ITPRID1: variants seen among roughly 807,000 people sequenced by gnomAD.
ITPRID1 encodes protein ITPRID1.
Under a neutral mutation model 95.4 loss-of-function variants are expected in ITPRID1, and 96 were observed. That is an observed-to-expected ratio of 1.01 (90% CI 0.85 to 1.19). ITPRID1 has a LOEUF of 1.19. ITPRID1 is among the 50% of genes most tolerant of loss of function. ITPRID1 has a pLI of 0.00. For missense variants in ITPRID1, 1,339 were observed against 1,252.9 expected (o/e 1.07, Z -1.04); for synonymous variants, 510 against 453.6 (o/e 1.12, Z -1.58).
At chr7:31,590,428 T>A (rs1422939510) in intron 10 of ITPRID1, among the ~76,000 whole-genome samples, 1 of 152,146 alleles carries the variant, frequency 6.6e-6, no homozygotes, top group African/African-American at 2.4e-5. Context: ...TACATAGATG[T>A]AAGAGGTGGT....
At chr7:31,556,563 T>G (rs1049751216) in intron 5 of ITPRID1, among the ~76,000 whole-genome samples, 1 of 152,010 alleles carries the variant, frequency 6.6e-6, no homozygotes, top group African/African-American at 2.4e-5. Context: ...ATGAGAGAGC[T>G]GCACTGAGCT....
At chr7:31,623,980 GACAA>G (rs1191164619) in intron 10 of ITPRID1, among the ~76,000 whole-genome samples, 3 of 149,014 alleles carry the variant, frequency 2.0e-5, no homozygotes, top group African/African-American at 7.4e-5. Flanking sequence ...ACCAATAACA[GACAA>G]ACAGAGAGCC....
chr7:31,562,131 A>G lies in ITPRID1; in HGVS notation c.256+7230A>G, dbSNP rs76915985. Among the ~76,000 whole-genome samples the G allele has an allele frequency of 9.0e-3, 1,364 of 151,724 alleles. 21 individuals are homozygous for G. Among genetic ancestry groups the G allele is most frequent in the African/African-American group, 0.029 (1,187 of 41,376 alleles). On this transcript the variant is annotated intron_variant, in intron 5 of 14. Coordinates refer to ENST00000615280, the MANE Select transcript of ITPRID1 (RefSeq NM_001257967.3). ...TCCCCCACCAGAAAACAAATTAAACATCAGTGCTATCTGGCTGAGATATGC... is the reference window on the plus strand; with the variant it reads ...TCCCCCACCAGAAAACAAATTAAACGTCAGTGCTATCTGGCTGAGATATGC...
At chr7:31,657,581 C>T (rs1791362074), downstream of ITPRID1, among the ~76,000 whole-genome samples, 1 of 152,136 alleles carries the variant, frequency 6.6e-6, no homozygotes, top group Admixed American at 6.6e-5. Context: ...TACCACTTGC[C>T]CACTGCCAAG....
At chr7:31,623,585 G>T (rs935476599) in intron 10 of ITPRID1, among the ~76,000 whole-genome samples, 1 of 150,478 alleles carries the variant, frequency 6.6e-6, no homozygotes, top group African/African-American at 2.4e-5. Flanking sequence ...CAATAAATTA[G>T]GTATTGATGG....
intron 10 of ITPRID1, among the ~76,000 whole-genome samples, chr7:31,603,037 G>A (rs1037382267): frequency 6.6e-6 from 1 of 151,896 alleles, no homozygotes; most frequent in Non-Finnish European, 1.5e-5. Flanking sequence ...CCATGTCTTG[G>A]GGGTAGCCAC....
intron 2 of ITPRID1, among the ~76,000 whole-genome samples, chr7:31,552,642 A>G (rs929047867): frequency 6.6e-6 from 1 of 152,120 alleles, no homozygotes; most frequent in Admixed American, 6.6e-5. Context: ...AAATAATTTT[A>G]TAGATATAAC....
chr7:31,546,054 C>T (rs1344561280), intron 1 of ITPRID1, among the ~76,000 whole-genome samples: 2 of 152,014 alleles, frequency 1.3e-5, no homozygotes, highest in Non-Finnish European at 2.9e-5. Flanking sequence ...AAACATTAAA[C>T]AGTCTATGTG....
intron 9 of ITPRID1, 21 bp downstream of exon 9, chr7:31,578,455 C>A (rs758877028): frequency 2.0e-6 from 3 of 1,535,198 alleles, no homozygotes; most frequent in Non-Finnish European, 2.6e-6. Context: ...CACCAACGTA[C>A]CAGCCTCCTA....
At chr7:31,616,742 T>TACAGGTGAA (rs1385135901) in intron 10 of ITPRID1, among the ~76,000 whole-genome samples, 1 of 152,178 alleles carries the variant, frequency 6.6e-6, no homozygotes, top group Non-Finnish European at 1.5e-5. Context: ...AAGGATTATG[T>TACAGGTGAA]ACAGGTGAAT....
intron 1 of ITPRID1, among the ~76,000 whole-genome samples, chr7:31,535,406 A>G (rs908608533): frequency 6.6e-6 from 1 of 152,038 alleles, no homozygotes; most frequent in Non-Finnish European, 1.5e-5. Flanking sequence ...ATTTTTATCT[A>G]TCAATTAGAT....
rs1315235509 is a variant in ITPRID1 at position 31,643,373 on chromosome 7, A to G, written c.2003A>G (p.His668Arg). ...QTSEKLIPHL[H>R]KLPGDPAQVK... ...TCTGAAAAGCTCATTCCCCACCTCC[A>G]TAAACTGCCTGGAGATCCTGCCCAG... The change falls in exon 12 of 15, where the codon CAT becomes CGT. Residue 668 changes from histidine to arginine, a missense_variant. By Grantham distance (29) the His-to-Arg change is conservative. Coordinates refer to ENST00000615280, the MANE Select transcript of ITPRID1 (RefSeq NM_001257967.3). 6.2e-7 allele frequency: 1 copy of G among 1,613,974 alleles called. No homozygotes were observed. Among genetic ancestry groups the G allele is most frequent in the Admixed American group, 1.7e-5 (1 of 60,008 alleles).
intron 5 of ITPRID1, among the ~76,000 whole-genome samples, chr7:31,564,241 C>T (rs551909268): frequency 6.6e-6 from 1 of 152,210 alleles, no homozygotes; most frequent in East Asian, 1.9e-4. Context: ...CAGAAGTCCA[C>T]CTAACAGTGG....
chr7:31,534,964 T>C (rs915471474), intron 1 of ITPRID1, among the ~76,000 whole-genome samples: 5 of 152,110 alleles, frequency 3.3e-5, no homozygotes, highest in African/African-American at 1.2e-4. Context: ...AGTGTTTTCC[T>C]AGAATTACAG....
At chr7:31,624,846 T>C (rs1473058392) in intron 10 of ITPRID1, among the ~76,000 whole-genome samples, 1 of 152,000 alleles carries the variant, frequency 6.6e-6, no homozygotes, top group Non-Finnish European at 1.5e-5. Context: ...ACCCACAAAA[T>C]GGGAAAAAAT....
At chr7:31,649,107 C>T (rs1276257821) in intron 12 of ITPRID1, among the ~76,000 whole-genome samples, 1 of 152,190 alleles carries the variant, frequency 6.6e-6, no homozygotes, top group Non-Finnish European at 1.5e-5. Flanking sequence ...GATGCAAGAG[C>T]TTTACTATGC....
At chr7:31,519,620 C>CTCTATATATATATATATATATA in intron 1 of ITPRID1, among the ~76,000 whole-genome samples, 7 of 25,264 alleles carry the variant, frequency 2.8e-4, no homozygotes, top group African/African-American at 7.1e-4. Flanking sequence ...CTCTCTCTCT[C>CTCTATATATATATATATATATA]TATATATATA....
intron 10 of ITPRID1, among the ~76,000 whole-genome samples, chr7:31,611,493 C>A (rs183028084): frequency 6.6e-6 from 1 of 151,890 alleles, no homozygotes; most frequent in East Asian, 1.9e-4. Flanking sequence ...GAAGGACTTT[C>A]ATTAGTTTTT....
chr7:31,588,170 A>G (rs984291134), intron 10 of ITPRID1, among the ~76,000 whole-genome samples: 2 of 152,194 alleles, frequency 1.3e-5, no homozygotes, highest in Non-Finnish European at 2.9e-5. Flanking sequence ...AAATATTTTT[A>G]AAACTCCTAC....
Sources: allele counts gnomAD v4.1 joint callset (sites outside exome capture counted in the v4.1 genomes callset), GRCh38; gene constraint gnomAD v4.1.1; transcripts MANE v1.5; gene names NCBI Gene and HGNC (gene_info 2026-07-23, HGNC 2026-07-21).